Variants in SRD5A1 observed in about 807,000 individuals in gnomAD.
SRD5A1 encodes steroid 5 alpha-reductase 1.
Under a neutral mutation model 28.2 loss-of-function variants are expected in SRD5A1, and 22 were observed. That is an observed-to-expected ratio of 0.78 (90% CI 0.56 to 1.12). The LOEUF (loss-of-function observed/expected upper bound fraction) is 1.12. SRD5A1 is among the 50% of genes most tolerant of loss of function. The pLI is 0.00. For missense variants in SRD5A1, 300 were observed against 346.7 expected, an observed-to-expected ratio of 0.87 and a Z score of 1.07; for synonymous variants, 151 against 135.0, an observed-to-expected ratio of 1.12 and a Z score of -0.82.
chr5:6,657,640 C>G (rs768818090), intron 3 of SRD5A1, among the ~76,000 whole-genome samples: 1 of 152,170 alleles, frequency 6.6e-6, no homozygotes, highest in African/African-American at 2.4e-5. Context: ...GCAGAAGATA[C>G]CAGAAGCCAC....
At chr5:6,666,577 T>C (rs1739189359) in intron 4 of SRD5A1, among the ~76,000 whole-genome samples, 1 of 152,254 alleles carries the variant, frequency 6.6e-6, no homozygotes, top group Admixed American at 6.5e-5. Context: ...TCAACTGTGC[T>C]GGGTTGCTAA....
Position 6,672,289 on chromosome 5 carries a change from G to C in SRD5A1, c.*4021G>C, listed in dbSNP as rs549772904. On this transcript the variant is annotated 3_prime_UTR_variant, in exon 5 of 5. Transcript: ENST00000274192. Reference sequence around the variant, plus strand: ...ATTATTTTGTTTTTTGTTTTGTTTTGTTTTGAGACGGAGTCTTGCTCTGTC... The same window carrying C: ...ATTATTTTGTTTTTTGTTTTGTTTTCTTTTGAGACGGAGTCTTGCTCTGTC... 3 of 152,486 alleles carry C rather than the reference G, an allele frequency of 2.0e-5. No individual in the cohort carries two copies. Among genetic ancestry groups the C allele is most frequent in the South Asian group, 4.1e-4 (2 of 4,826 alleles). 9.4% of individuals were successfully genotyped at this position (152,486 alleles called of 1,614,324 possible).
At chr5:6,643,199 C>T (rs917878027) in intron 1 of SRD5A1, among the ~76,000 whole-genome samples, 2 of 152,212 alleles carry the variant, frequency 1.3e-5, no homozygotes, top group Non-Finnish European at 2.9e-5. Flanking sequence ...TCATTCACTT[C>T]AGCCTTGATG....
chr5:6,659,631 G>T (rs1738946538), intron 3 of SRD5A1, among the ~76,000 whole-genome samples: 1 of 152,166 alleles, frequency 6.6e-6, no homozygotes, highest in Non-Finnish European at 1.5e-5. Flanking sequence ...GGAGGAAGTG[G>T]ACAGGAAACA....
intron 3 of SRD5A1, among the ~76,000 whole-genome samples, chr5:6,659,654 T>G (rs1738947089): frequency 6.6e-6 from 1 of 152,246 alleles, no homozygotes. Flanking sequence ...GACGATCATC[T>G]GCACGTGCCA....
In SRD5A1 at chr5:6,661,716, A is replaced by G. The variant is rs368065676; in HGVS notation, c.563-1100A>G. 1.2e-3 allele frequency among the ~76,000 whole-genome samples: 179 copies of G among 152,098 alleles called. 3 individuals are homozygous for G. The highest frequency in any genetic ancestry group is 4.0e-3 in the African/African-American group (167 of 41,514). Reference sequence around the variant, plus strand: ...CCTGGCTGATTTTTGTATTTTCAGTATAGACAAGGTTTCACCATGTTGGCC... The same window carrying G: ...CCTGGCTGATTTTTGTATTTTCAGTGTAGACAAGGTTTCACCATGTTGGCC... On this transcript the variant is annotated intron_variant, in intron 3 of 4. Coordinates refer to ENST00000274192, the MANE Select transcript of SRD5A1 (RefSeq NM_001047.4).
Position 6,668,895 on chromosome 5 carries a change from G to A in SRD5A1, c.*627G>A, listed in dbSNP as rs866556587. ...TGGACTTGTTCCAGCCCAGCCCACC[G>A]GGTGACATCACCGGGCAGGGAGGGG... On this transcript the variant is annotated 3_prime_UTR_variant, in exon 5 of 5. Coordinates refer to ENST00000274192, the MANE Select transcript of SRD5A1 (RefSeq NM_001047.4). 2.0e-5 allele frequency: 3 copies of A among 152,442 alleles called. No individual in the cohort carries two copies. Among genetic ancestry groups the A allele is most frequent in the African/African-American group, 4.8e-5 (2 of 41,574 alleles). 9.4% of individuals were successfully genotyped at this position (152,442 alleles called of 1,614,324 possible).
chr5:6,641,509 C>G (rs1276474746), intron 1 of SRD5A1, among the ~76,000 whole-genome samples: 1 of 152,182 alleles, frequency 6.6e-6, no homozygotes, highest in African/African-American at 2.4e-5. Context: ...CTCACCTTCT[C>G]CTAGCAACTG....
In SRD5A1 at chr5:6,671,127, G is replaced by A. The variant is rs1739347139; in HGVS notation, c.*2859G>A. Reference sequence around the variant, plus strand: ...AATAGTTTACATTCCCACCAGCAGTGTGGAAGTGTTCCATGATTGCCGCAT... The same window carrying A: ...AATAGTTTACATTCCCACCAGCAGTATGGAAGTGTTCCATGATTGCCGCAT... On this transcript the variant is annotated 3_prime_UTR_variant, in exon 5 of 5. Transcript: ENST00000274192. The A allele has an allele frequency of 6.6e-6, 1 of 152,200 alleles. No individual in the cohort carries two copies. Among genetic ancestry groups the A allele is most frequent in the African/African-American group, 2.4e-5 (1 of 41,444 alleles). 9.4% of individuals were successfully genotyped at this position (152,200 alleles called of 1,614,324 possible). A position where few individuals can be genotyped will look rare whatever the true frequency, so the allele number is the denominator to read the frequency against.
rs961814813 is a variant in SRD5A1, at chr5:6,670,743, T to G, written c.*2475T>G. ...GGAAAAGGGAAGGGACCCTCACTTG[T>G]GTCTGATACAGCCATAATCTTCTCT... On this transcript the variant is annotated 3_prime_UTR_variant, in exon 5 of 5. Coordinates refer to ENST00000274192, the MANE Select transcript of SRD5A1 (RefSeq NM_001047.4). 31 of 152,232 alleles carry G rather than the reference T, an allele frequency of 2.0e-4. No individual in the cohort carries two copies. Among genetic ancestry groups the G allele is most frequent in the African/African-American group, 7.5e-4 (31 of 41,456 alleles). 9.4% of individuals were successfully genotyped at this position (152,232 alleles called of 1,614,324 possible).
At chr5:6,637,432 C>G (rs1208875717) in intron 1 of SRD5A1, among the ~76,000 whole-genome samples, 2 of 152,162 alleles carry the variant, frequency 1.3e-5, no homozygotes, top group African/African-American at 4.8e-5. Context: ...TCCTGCTTTG[C>G]TAGACACAGC....
At chr5:6,637,934 G>T (rs1285739775) in intron 1 of SRD5A1, among the ~76,000 whole-genome samples, 1 of 152,220 alleles carries the variant, frequency 6.6e-6, no homozygotes, top group Non-Finnish European at 1.5e-5. Context: ...GGGCTCCTGT[G>T]GGGAGCCTAG....
chr5:6,654,434 T>TTTTGTTTGTTTG (rs112962033), intron 2 of SRD5A1, among the ~76,000 whole-genome samples: 2 of 151,338 alleles, frequency 1.3e-5, no homozygotes, highest in African/African-American at 4.9e-5. Context: ...TAAGTTTTTT[T>TTTTGTTTGTTTG]TTTGTTTGTT....
chr5:6,649,069 C>T (rs1187422073), intron 1 of SRD5A1, among the ~76,000 whole-genome samples: 1 of 152,154 alleles, frequency 6.6e-6, no homozygotes, highest in African/African-American at 2.4e-5. Context: ...GAACAACAAA[C>T]ATTGCTGCCT....
chr5:6,639,666 C>G (rs1738302863), intron 1 of SRD5A1, among the ~76,000 whole-genome samples: 1 of 152,142 alleles, frequency 6.6e-6, no homozygotes, highest in Non-Finnish European at 1.5e-5. Flanking sequence ...CTGATTTTCT[C>G]CAAGCCTTTT....
chr5:6,672,965 G>A lies in SRD5A1; in HGVS notation c.*4697G>A, dbSNP rs1479808073. The stretch of plus-strand genomic sequence containing the variant: ...TAATTAGCGTCTAGCTCTTTGTAAG[G>A]TAATTGACAGTCTGAGTTAGTTGCT... On this transcript the variant is annotated 3_prime_UTR_variant, in exon 5 of 5. Transcript: ENST00000274192. 1.3e-5 allele frequency: 2 copies of A among 152,156 alleles called. No homozygotes were observed. Among genetic ancestry groups the A allele is most frequent in the South Asian group, 2.1e-4 (1 of 4,824 alleles). 9.4% of individuals were successfully genotyped at this position (152,156 alleles called of 1,614,324 possible).
chr5:6,663,088 G>A (rs971839586), intron 4 of SRD5A1, 122 bp downstream of exon 4: 1 of 1,259,082 alleles, frequency 7.9e-7, no homozygotes, highest in Non-Finnish European at 1.1e-6. Flanking sequence ...TCTGTGCTTT[G>A]GCCAAACAAG....
intron 2 of SRD5A1, 55 bp from the exon 3 acceptor site, chr5:6,656,023 T>C (rs1006947779): frequency 2.3e-6 from 3 of 1,320,526 alleles, no homozygotes; most frequent in Non-Finnish European, 3.3e-6. Flanking sequence ...CTGGGGCTCG[T>C]AGTGAAATTT....
At chr5:6,661,758 C>G (rs1739009467) in intron 3 of SRD5A1, among the ~76,000 whole-genome samples, 1 of 151,992 alleles carries the variant, frequency 6.6e-6, no homozygotes. Flanking sequence ...GTCTCCAACT[C>G]CTGACCTCAC....
Sources: gnomAD v4.1 joint callset for allele counts (sites outside exome capture counted in the v4.1 genomes callset) on GRCh38, gnomAD v4.1.1 for gene constraint, MANE v1.5 for transcripts, NCBI Gene and HGNC (gene_info 2026-07-23, HGNC 2026-07-21) for gene names.